Variants in HSD17B11 observed in about 807,000 individuals in gnomAD.
HSD17B11 encodes hydroxysteroid 17-beta dehydrogenase 11.
Under a neutral mutation model 27.8 loss-of-function variants are expected in HSD17B11, and 22 were observed. The observed-to-expected ratio is 0.79, with a 90% CI of 0.56 to 1.13. The LOEUF (loss-of-function observed/expected upper bound fraction) is 1.13, where lower values mean the gene tolerates loss of function less well. HSD17B11 is among the 50% of genes most tolerant of loss of function. The pLI, the probability that HSD17B11 is intolerant of heterozygous loss-of-function variation, is 0.00. For synonymous variants in HSD17B11, 117 were observed against 132.8 expected (o/e 0.88, Z 0.82); for missense variants, 314 against 351.1 (o/e 0.89, Z 0.84).
At chr4:87,356,002 G>C (rs1352349681) in intron 5 of HSD17B11, among the ~76,000 whole-genome samples, 1 of 152,184 alleles carries the variant, frequency 6.6e-6, no homozygotes, top group Non-Finnish European at 1.5e-5. Flanking sequence ...ATTCATAAAA[G>C]GAAGTGCAAT....
At chr4:87,385,491 T>G (rs1194188469) in intron 1 of HSD17B11, among the ~76,000 whole-genome samples, 1 of 152,134 alleles carries the variant, frequency 6.6e-6, no homozygotes, top group Non-Finnish European at 1.5e-5. Flanking sequence ...GAAAAATTTC[T>G]GGAGAGAAAT....
At chr4:87,370,581 AT>A (rs56142885) in intron 4 of HSD17B11, among the ~76,000 whole-genome samples, 1 of 150,084 alleles carries the variant, frequency 6.7e-6, no homozygotes. Context: ...CACCCAGCTA[AT>A]TTTTTTTGTA....
chr4:87,356,320 C>T (rs1172528035), intron 5 of HSD17B11, among the ~76,000 whole-genome samples: 1 of 152,224 alleles, frequency 6.6e-6, no homozygotes, highest in African/African-American at 2.4e-5. Context: ...CCCGAGGATG[C>T]TTATTGCTGA....
chr4:87,373,365 T>C (rs1025697529), intron 3 of HSD17B11: 28 of 151,696 alleles, frequency 1.8e-4, no homozygotes, highest in African/African-American at 6.8e-4. Context: ...AATTTTTATG[T>C]TCCCCAGCCC....
Position 87,391,180 on chromosome 4 carries a change from G to A in HSD17B11, c.-110C>T, listed in dbSNP as rs1046202477. On this transcript the variant is annotated 5_prime_UTR_variant, in exon 1 of 7. Transcript: ENST00000358290. Reference sequence around the variant, plus strand: ...CCAGAAAGAGTAGGGGCGAGAGCAAGGAGGAACTCCCGTATCAAAGAAAAA... The same window carrying A: ...CCAGAAAGAGTAGGGGCGAGAGCAAAGAGGAACTCCCGTATCAAAGAAAAA... 9.2e-6 allele frequency: 7 copies of A among 759,088 alleles called. No homozygotes were observed. In the African/African-American group the frequency reaches 1.2e-4, roughly 13 times the overall value. The allele number at this position is 759,088 out of a possible 1,614,324, so 47.0% of individuals were successfully genotyped here.
chr4:87,374,557 A>G, intron 3 of HSD17B11, 142 bp downstream of exon 3: 1 of 650,128 alleles, frequency 1.5e-6, no homozygotes, highest in Non-Finnish European at 2.6e-6. Context: ...AGCATGAAAA[A>G]TGATCTCTTT....
intron 5 of HSD17B11, 70 bp from the exon 6 acceptor site, chr4:87,340,676 A>C (rs7679024): frequency 0.25 from 249,077 of 988,048 alleles, 34,579 homozygotes; most frequent in Admixed American, 0.31. Flanking sequence ...GGTGCTAACC[A>C]ACAGCTTTAG....
rs149030918 is a variant in HSD17B11, at chr4:87,374,672, C to T, written c.450+27G>A. 272 of 1,583,370 alleles carry T rather than the reference C, an allele frequency of 1.7e-4. 4 individuals carry two copies. The East Asian group carries it at 5.3e-3, about 31-fold the overall frequency. ...TAATCTTTGGGATTTTCAAAAGGAA[C>T]ATTTTTGTAAAAGAAGCCATACTCA... On this transcript the variant is annotated intron_variant, in intron 3 of 6. Transcript: ENST00000358290.
chr4:87,354,362 G>A lies in HSD17B11; in HGVS notation c.695+2917C>T, dbSNP rs117024244. 9.9e-5 allele frequency among the ~76,000 whole-genome samples: 15 copies of A among 152,226 alleles called. No homozygotes were observed. In the East Asian group the frequency reaches 2.9e-3, roughly 29 times the overall value. On this transcript the variant is annotated intron_variant, in intron 5 of 6. Transcript: ENST00000358290. ...AGGCCAGGCATGGTGACTCATGCCTGTAATCCCAGCACTTTGAGAGGCTGA... is the reference window on the plus strand; with the variant it reads ...AGGCCAGGCATGGTGACTCATGCCTATAATCCCAGCACTTTGAGAGGCTGA...
rs747809414 is a variant in HSD17B11 at position 87,382,337 on chromosome 4, T to G, written c.236A>C (p.Lys79Thr). Residue 79 changes from lysine to threonine, a missense_variant, in exon 2 of 7, where the codon AAA becomes ACA. Lys to Thr is a moderately conservative substitution (Grantham distance 78, BLOSUM62 -1). Transcript: ENST00000358290. ...AACCTTGGCACCCAGTCCCTTGCAT[T>G]TGGCAGCTGTTTCCTCCAGTCCATG... ...NKHGLEETAAKCKGLGAKVHT... is the reference protein window; with the variant it reads ...NKHGLEETAATCKGLGAKVHT... 2 of 1,613,674 alleles carry G rather than the reference T, an allele frequency of 1.2e-6. No homozygotes were observed. Among genetic ancestry groups the G allele is most frequent in the African/African-American group, 2.7e-5 (2 of 74,930 alleles).
chr4:87,342,244 T>C (rs1351151317), intron 5 of HSD17B11, among the ~76,000 whole-genome samples: 1 of 151,900 alleles, frequency 6.6e-6, no homozygotes, highest in Non-Finnish European at 1.5e-5. Flanking sequence ...TAGCCAGGCA[T>C]GATGGCAGGC....
intron 3 of HSD17B11, 48 bp from the exon 4 acceptor site, chr4:87,372,863 C>T: frequency 8.9e-7 from 1 of 1,121,404 alleles, no homozygotes; most frequent in South Asian, 1.3e-5. Flanking sequence ...ATTTCAGACT[C>T]ACAGACCTAT....
chr4:87,375,722 CA>C (rs1306128653), intron 2 of HSD17B11, among the ~76,000 whole-genome samples: 1 of 152,202 alleles, frequency 6.6e-6, no homozygotes, highest in Non-Finnish European at 1.5e-5. Flanking sequence ...GCCTGGGCAA[CA>C]AAAGCAAAAC....
chr4:87,355,860 C>T (rs750715760), intron 5 of HSD17B11, among the ~76,000 whole-genome samples: 5 of 151,516 alleles, frequency 3.3e-5, no homozygotes, highest in Non-Finnish European at 7.4e-5. Context: ...GCCGAGATTG[C>T]GCCACTGCAC....
chr4:87,385,544 C>T (rs1008010463), intron 1 of HSD17B11, among the ~76,000 whole-genome samples: 1 of 152,064 alleles, frequency 6.6e-6, no homozygotes, highest in African/African-American at 2.4e-5. Flanking sequence ...CTTAATGCCA[C>T]TAAACTGTAC....
At position 87,378,877 on chromosome 4, in the gene HSD17B11, TATAAATATATATATATAAATATATATAA is replaced by T. The variant is rs1191446957; in HGVS notation, c.318+3350_318+3377del. Among the ~76,000 whole-genome samples, 33 of 16,606 alleles carry T rather than the reference TATAAATATATATATATAAATATATATAA, an allele frequency of 2.0e-3. 3 individuals are homozygous for T. Among genetic ancestry groups the T allele is most frequent in the African/African-American group, 0.014 (32 of 2,360 alleles). The allele number at this position is 16,606 out of a possible 152,430, so 10.9% of individuals were successfully genotyped here. ...ATATAAATATATATAAATATATATATATAAATATATATATATAAATATATATAAATATATATATATAAATATATATAAA... is the reference window on the plus strand; with the variant it reads ...ATATAAATATATATAAATATATATATATATATATATATAAATATATATAAA... On this transcript the variant is annotated intron_variant, in intron 2 of 6. Coordinates refer to ENST00000358290, the MANE Select transcript of HSD17B11 (RefSeq NM_016245.5).
intron 4 of HSD17B11, among the ~76,000 whole-genome samples, chr4:87,362,493 T>G (rs1394704715): frequency 6.6e-6 from 1 of 152,178 alleles, no homozygotes; most frequent in Non-Finnish European, 1.5e-5. Flanking sequence ...GCTGCTGCAC[T>G]CCAGCCTGGC....
chr4:87,374,100 G>A (rs62319098), intron 3 of HSD17B11, among the ~76,000 whole-genome samples: 54,449 of 151,926 alleles, frequency 0.36, 11,046 homozygotes, highest in African/African-American at 0.54. Context: ...TGAGGCAGGC[G>A]GATCACTTGA....
At chr4:87,368,426 CAGTT>C (rs1183265418) in intron 4 of HSD17B11, among the ~76,000 whole-genome samples, 1 of 152,146 alleles carries the variant, frequency 6.6e-6, no homozygotes, top group Non-Finnish European at 1.5e-5. Flanking sequence ...GAGACCCTAA[CAGTT>C]AGGCAGGAAT....
Sources: allele counts gnomAD v4.1 joint callset (sites outside exome capture counted in the v4.1 genomes callset), GRCh38; gene constraint gnomAD v4.1.1; transcripts MANE v1.5; gene names NCBI Gene and HGNC (gene_info 2026-07-23, HGNC 2026-07-21).